Variants in CCDC57 observed in about 807,000 individuals in gnomAD.
CCDC57 encodes coiled-coil domain-containing protein 57.
A neutral mutation model predicts 118.9 loss-of-function variants in CCDC57; 118 were observed. The observed-to-expected ratio is 0.99, with a 90% CI of 0.86 to 1.16. The LOEUF (loss-of-function observed/expected upper bound fraction) is 1.16, where lower values mean the gene tolerates loss of function less well. Among genes scored for constraint, CCDC57 ranks in the 50% most tolerant of loss-of-function variants. The pLI, the probability that CCDC57 is intolerant of heterozygous loss-of-function variation, is 0.00. For synonymous variants in CCDC57, 527 were observed against 532.9 expected (o/e 0.99, Z 0.15); for missense variants, 1,300 against 1,320.7 (o/e 0.98, Z 0.24).
At chr17:82,101,759 C>T in exon 20 of CCDC57, 1 of 1,610,092 alleles carries the variant, frequency 6.2e-7, no homozygotes, top group Non-Finnish European at 8.5e-7. Flanking sequence ...GACCGGGAGG[C>T]TCCTGTGGTC....
At chr17:82,111,245 G>A (rs1454007897) in intron 19 of CCDC57, among the ~76,000 whole-genome samples, 3 of 13,822 alleles carry the variant, frequency 2.2e-4, no homozygotes, top group East Asian at 2.4e-3. Context: ...ACAGGTGCCC[G>A]CCACCATGCC....
At chr17:82,203,625 T>A (rs1261146897) in intron 2 of CCDC57, among the ~76,000 whole-genome samples, 7 of 151,928 alleles carry the variant, frequency 4.6e-5, no homozygotes, top group Admixed American at 3.9e-4. Context: ...CTGCAGTGAG[T>A]GGTCTATTAA....
At chr17:82,103,848 CAGGGAGGGTG>C (rs1488562862) in intron 19 of CCDC57, among the ~76,000 whole-genome samples, 2 of 125,054 alleles carry the variant, frequency 1.6e-5, no homozygotes, top group African/African-American at 3.1e-5. Context: ...CAGGGAGGGG[CAGGGAGGGTG>C]AGCTGGCCCC....
intron 2 of CCDC57, among the ~76,000 whole-genome samples, chr17:82,204,085 C>A (rs966205671): frequency 2.0e-5 from 3 of 152,112 alleles, no homozygotes; most frequent in African/African-American, 7.2e-5. Context: ...CGAGGGCTCC[C>A]TGGGGGTCCT....
At chr17:82,158,080 G>C in intron 14 of CCDC57, 132 bp from the exon 14 acceptor site, 1 of 1,444,460 alleles carries the variant, frequency 6.9e-7, no homozygotes, top group Non-Finnish European at 9.1e-7. Flanking sequence ...CTCCTCCCCA[G>C]CTGGATGCAA....
At chr17:82,196,011 G>A (rs188324541) in intron 4 of CCDC57, among the ~76,000 whole-genome samples, 36 of 152,296 alleles carry the variant, frequency 2.4e-4, no homozygotes, top group Admixed American at 6.5e-4. Flanking sequence ...CTCCCTGAAC[G>A]AGCCCTGCTG....
chr17:82,138,632 C>T (rs1404354804), intron 16 of CCDC57, among the ~76,000 whole-genome samples: 5 of 152,118 alleles, frequency 3.3e-5, no homozygotes, highest in African/African-American at 1.2e-4. Context: ...GGAAGACTGC[C>T]GAGTCGGAAG....
At chr17:82,138,380 C>A (rs1436370175) in intron 16 of CCDC57, among the ~76,000 whole-genome samples, 1 of 151,638 alleles carries the variant, frequency 6.6e-6, no homozygotes, top group Non-Finnish European at 1.5e-5. Flanking sequence ...GATCTCCTGA[C>A]CTCGTGATCT....
At position 82,198,397 on chromosome 17, in the gene CCDC57, G is replaced by C. The variant is rs373483810; in HGVS notation, c.433C>G (p.His145Asp). The change falls in exon 4 of 20, where the codon CAC (histidine) becomes GAC (aspartate). Residue 145 changes from histidine to aspartate, a missense_variant. Coordinates refer to ENST00000665763, the Ensembl canonical transcript of CCDC57. ...TTTAGATTTTCATACTGTTCCCGGT[G>C]GTGGTCAATCTCACCATTCTTGTCA... 6.5e-5 allele frequency: 104 copies of C among 1,611,892 alleles called. No individual in the cohort carries two copies. Among genetic ancestry groups the C allele is most frequent in the Non-Finnish European group, 8.5e-5 (100 of 1,178,620 alleles).
intron 1 of CCDC57, among the ~76,000 whole-genome samples, chr17:82,211,741 C>G (rs1350471802): frequency 1.3e-5 from 2 of 152,080 alleles, no homozygotes; most frequent in Non-Finnish European, 2.9e-5. Flanking sequence ...CCCTTGTCCC[C>G]GTCCCTTAAG....
intron 16 of CCDC57, among the ~76,000 whole-genome samples, chr17:82,146,313 A>T (rs1256801111): frequency 6.6e-6 from 1 of 152,230 alleles, no homozygotes; most frequent in African/African-American, 2.4e-5. Flanking sequence ...TAGGAAAAAA[A>T]TGCAGATAGA....
chr17:82,161,738 C>T lies in CCDC57; in HGVS notation c.2040+1462G>A, dbSNP rs146195898. On this transcript the variant is annotated intron_variant, in intron 14 of 19. Transcript: ENST00000665763. ...GGAATACTTACTAGAAGCTGGGAAGCAGGGAAGGGGTGACACTGCTGTGTG... is the reference window on the plus strand; with the variant it reads ...GGAATACTTACTAGAAGCTGGGAAGTAGGGAAGGGGTGACACTGCTGTGTG... Among the ~76,000 whole-genome samples the T allele has an allele frequency of 4.8e-3, 728 of 152,198 alleles. 2 individuals are homozygous for T. Among genetic ancestry groups the T allele is most frequent in the Middle Eastern group, 0.01 (3 of 294 alleles).
chr17:82,148,387 G>T (rs571858814), intron 16 of CCDC57, among the ~76,000 whole-genome samples: 1 of 7,842 alleles, frequency 1.3e-4, no homozygotes, highest in Non-Finnish European at 2.3e-4. Flanking sequence ...GTGGGTGAAT[G>T]GATGAATGGG....
intron 1 of CCDC57, among the ~76,000 whole-genome samples, chr17:82,210,997 AAAAAAAAAAAAAG>A (rs576073143): frequency 0.076 from 7,394 of 96,826 alleles, 276 homozygotes; most frequent in African/African-American, 0.16. Context: ...CCGTCTTAAA[AAAAAAAAAAAAAG>A]AAAAAAAAAA....
At chr17:82,101,775 C>G in exon 20 of CCDC57, 1 of 1,609,438 alleles carries the variant, frequency 6.2e-7, no homozygotes, top group Non-Finnish European at 8.5e-7. Context: ...TGGTCTTGGC[C>G]TTTGCCTGGG....
intron 19 of CCDC57, among the ~76,000 whole-genome samples, chr17:82,124,555 G>A (rs1260630837): frequency 6.6e-6 from 1 of 152,192 alleles, no homozygotes; most frequent in African/African-American, 2.4e-5. Flanking sequence ...CACTTTGAGA[G>A]CGTAAGGTGG....
intron 3 of CCDC57, 124 bp downstream of exon 2, chr17:82,201,410 GGCCT>G: frequency 8.4e-7 from 1 of 1,196,092 alleles, no homozygotes; most frequent in Non-Finnish European, 1.1e-6. Context: ...CAGCTCCCGT[GGCCT>G]GGAATCAGCA....
At chr17:82,152,271 C>T (rs571893414) in intron 15 of CCDC57, 130 of 160,430 alleles carry the variant, frequency 8.1e-4, no homozygotes, top group Middle Eastern at 3.4e-3. Flanking sequence ...CTCCCGCCAG[C>T]GTGGCTTGGC....
chr17:82,147,766 T>G (rs1444842040), intron 16 of CCDC57, among the ~76,000 whole-genome samples: 103 of 31,764 alleles, frequency 3.2e-3, no homozygotes, highest in Middle Eastern at 0.036. Context: ...ATGGATGGGT[T>G]GGTGCGTAGA....
Sources: allele counts gnomAD v4.1 joint callset (sites outside exome capture counted in the v4.1 genomes callset), GRCh38; gene constraint gnomAD v4.1.1; transcripts MANE v1.5; gene names NCBI Gene and HGNC (gene_info 2026-07-23, HGNC 2026-07-21).